Variants in ANO2 observed in about 807,000 individuals in gnomAD.
The protein encoded by ANO2 is anoctamin 2, also known as anoctamin-2.
Under a neutral mutation model 124.2 loss-of-function variants are expected in ANO2, and 101 were observed. That is an observed-to-expected ratio of 0.81 (90% CI 0.69 to 0.96). The LOEUF is 0.96. Among genes scored for constraint, ANO2 ranks in the 40% least tolerant of loss-of-function variants. The pLI is 0.00. For synonymous variants in ANO2, 486 were observed against 482.5 expected (o/e 1.01, Z -0.09); for missense variants, 1,293 against 1,274.5 (o/e 1.01, Z -0.22).
intron 16 of ANO2, among the ~76,000 whole-genome samples, chr12:5,622,272 G>T (rs910207502): frequency 2.6e-5 from 4 of 152,112 alleles, no homozygotes; most frequent in African/African-American, 7.2e-5. Flanking sequence ...CATTTCAGAG[G>T]CCTTTCCTCC....
rs11833077 is a variant in ANO2 at position 5,833,165 on chromosome 12, C to G, written c.634-562G>C. Among the ~76,000 whole-genome samples the G allele has an allele frequency of 6.8e-3, 1,037 of 152,306 alleles. 9 individuals carry two copies. The highest frequency in any genetic ancestry group is 0.024 in the African/African-American group (997 of 41,546). The stretch of plus-strand genomic sequence containing the variant: ...TCTTTATGTTTTTCTTAGGAAATAT[C>G]TGTGTTTAAATGAGTTTGCTTTCAA... On this transcript the variant is annotated intron_variant, in intron 4 of 24. Coordinates refer to ENST00000682330, the MANE Select transcript of ANO2 (RefSeq NM_001364791.2).
At chr12:5,575,403 G>A (rs1708389870) in intron 23 of ANO2, among the ~76,000 whole-genome samples, 1 of 152,196 alleles carries the variant, frequency 6.6e-6, no homozygotes, top group Admixed American at 6.5e-5. Flanking sequence ...CAGAGGGAAA[G>A]GAGAATGATG....
intron 1 of ANO2, among the ~76,000 whole-genome samples, chr12:5,939,093 T>G (rs1354614187): frequency 6.7e-6 from 1 of 149,960 alleles, no homozygotes; most frequent in East Asian, 2.0e-4. Flanking sequence ...GGTGCGCGCC[T>G]GTAGTCCCAG....
At chr12:5,733,745 C>T (rs1018879907) in intron 13 of ANO2, among the ~76,000 whole-genome samples, 7 of 152,242 alleles carry the variant, frequency 4.6e-5, no homozygotes, top group Non-Finnish European at 7.3e-5. Context: ...ACCCATTCTC[C>T]GAGGGGACGT....
intron 10 of ANO2, among the ~76,000 whole-genome samples, 197 bp from the exon 11 acceptor site, chr12:5,751,167 G>A (rs763832863): frequency 1.3e-5 from 2 of 152,128 alleles, no homozygotes; most frequent in Non-Finnish European, 2.9e-5. Flanking sequence ...CTGGAATGAC[G>A]TGCATTCCAT....
intron 14 of ANO2, among the ~76,000 whole-genome samples, chr12:5,712,594 G>A (rs560985119): frequency 6.6e-6 from 1 of 152,202 alleles, no homozygotes; most frequent in Non-Finnish European, 1.5e-5. Flanking sequence ...CCAGAACTAT[G>A]AGAGAATGAA....
intron 7 of ANO2, among the ~76,000 whole-genome samples, chr12:5,817,822 T>C (rs1421876756): frequency 1.3e-5 from 2 of 152,144 alleles, no homozygotes; most frequent in East Asian, 3.8e-4. Context: ...CAAAAATAGA[T>C]GGCTGCAAGT....
At chr12:5,575,287 T>C (rs908283127) in intron 23 of ANO2, among the ~76,000 whole-genome samples, 6 of 152,230 alleles carry the variant, frequency 3.9e-5, no homozygotes, top group African/African-American at 1.4e-4. Context: ...CAAGGCTCTT[T>C]GTCTGCTCCA....
chr12:5,738,044 A>G (rs1950946092), intron 13 of ANO2, among the ~76,000 whole-genome samples: 1 of 152,164 alleles, frequency 6.6e-6, no homozygotes, highest in Admixed American at 6.5e-5. Flanking sequence ...ATTAAGTGAG[A>G]ACCCATGGGA....
intron 10 of ANO2, among the ~76,000 whole-genome samples, chr12:5,797,599 T>G (rs552514122): frequency 1.3e-5 from 2 of 151,898 alleles, no homozygotes; most frequent in African/African-American, 2.4e-5. Flanking sequence ...CTTCCATCAC[T>G]TCTCTTTCCA....
chr12:5,805,774 G>T (rs577766209), intron 9 of ANO2, among the ~76,000 whole-genome samples: 1 of 152,250 alleles, frequency 6.6e-6, no homozygotes, highest in South Asian at 2.1e-4. Context: ...TTCTCAACTG[G>T]TGCTCTCTTG....
At chr12:5,924,488 G>A (rs1941984574) in intron 1 of ANO2, among the ~76,000 whole-genome samples, 1 of 152,184 alleles carries the variant, frequency 6.6e-6, no homozygotes, top group Non-Finnish European at 1.5e-5. Context: ...AGGCACGGGA[G>A]GCACTCCCTA....
chr12:5,898,125 A>G (rs1939922488), intron 3 of ANO2, among the ~76,000 whole-genome samples: 1 of 152,208 alleles, frequency 6.6e-6, no homozygotes, highest in South Asian at 2.1e-4. Context: ...ATGGCTGGAA[A>G]AAAAATATAT....
At chr12:5,912,159 C>T (rs369696192) in intron 3 of ANO2, among the ~76,000 whole-genome samples, 11 of 152,186 alleles carry the variant, frequency 7.2e-5, no homozygotes, top group African/African-American at 2.4e-4. Flanking sequence ...AAGAGCCACA[C>T]CCAGCTCCCT....
At chr12:5,696,249 A>G (rs1024916732) in intron 14 of ANO2, among the ~76,000 whole-genome samples, 1 of 152,210 alleles carries the variant, frequency 6.6e-6, no homozygotes, top group Non-Finnish European at 1.5e-5. Context: ...AAATAGATAA[A>G]TATCTAACAC....
rs34845978 is a variant in ANO2, at chr12:5,923,094, G to GCACACA, written c.23-296_23-291dup. 5.6e-3 allele frequency among the ~76,000 whole-genome samples: 150 copies of GCACACA among 26,994 alleles called. 18 individuals carry two copies. Among genetic ancestry groups the GCACACA allele is most frequent in the African/African-American group, 0.015 (136 of 8,908 alleles). The allele number at this position is 26,994 out of a possible 152,430, so 17.7% of individuals were successfully genotyped here. ...CACATGCACACATACACACACACAC[G>GCACACA]CACACACATACACACACATGCACGC... On this transcript the variant is annotated intron_variant, in intron 1 of 24. Coordinates refer to ENST00000682330, the MANE Select transcript of ANO2 (RefSeq NM_001364791.2).
At chr12:5,920,997 G>T in intron 3 of ANO2, 43 bp downstream of exon 3, 1 of 1,568,558 alleles carries the variant, frequency 6.4e-7, no homozygotes. Context: ...CGGTTCTGTG[G>T]TGCCATTCCA....
intron 14 of ANO2, among the ~76,000 whole-genome samples, chr12:5,662,159 G>A (rs780590427): frequency 2.6e-5 from 4 of 152,254 alleles, no homozygotes; most frequent in African/African-American, 7.2e-5. Flanking sequence ...GAAGGTGGGC[G>A]TGCCGCCAGG....
At chr12:5,916,572 A>G (rs759800400) in intron 3 of ANO2, among the ~76,000 whole-genome samples, 1 of 151,594 alleles carries the variant, frequency 6.6e-6, no homozygotes, top group Non-Finnish European at 1.5e-5. Context: ...ATGTGTCAGT[A>G]TTAGTTCATT....
Sources: gnomAD v4.1 joint callset for allele counts (sites outside exome capture counted in the v4.1 genomes callset) on GRCh38, gnomAD v4.1.1 for gene constraint, MANE v1.5 for transcripts, NCBI Gene and HGNC (gene_info 2026-07-23, HGNC 2026-07-21) for gene names.